NDUFS5: variants seen among roughly 807,000 people sequenced by gnomAD.
NDUFS5 encodes the protein NADH:ubiquinone oxidoreductase subunit S5.
NDUFS5 carries 7 observed loss-of-function variants against 10.5 expected under a neutral mutation model. The observed-to-expected ratio is 0.66, with a 90% CI of 0.38 to 1.25. The LOEUF is 1.25. NDUFS5 is among the 50% of genes most tolerant of loss of function. The pLI, the probability that NDUFS5 is intolerant of heterozygous loss-of-function variation, is 0.02. For synonymous variants in NDUFS5, 38 were observed against 44.0 expected (o/e 0.86, Z 0.54); for missense variants, 148 against 140.7 (o/e 1.05, Z -0.26).
chr1:39,028,466 G>A (rs1248046943), intron 1 of NDUFS5, among the ~76,000 whole-genome samples: 1 of 151,966 alleles, frequency 6.6e-6, no homozygotes, highest in Non-Finnish European at 1.5e-5. Context: ...GACCGAGAAA[G>A]GATTTCTATG....
At chr1:39,028,121 A>G (rs1329806220) in intron 1 of NDUFS5, among the ~76,000 whole-genome samples, 3 of 140,288 alleles carry the variant, frequency 2.1e-5, no homozygotes, top group East Asian at 4.6e-4. Context: ...CGCCTGGCCC[A>G]CAAGTGGCTG....
At chr1:39,026,553 C>T (rs919429411) in intron 1 of NDUFS5, among the ~76,000 whole-genome samples, 151 bp downstream of exon 1, 1 of 152,346 alleles carries the variant, frequency 6.6e-6, no homozygotes, top group East Asian at 1.9e-4. Context: ...CGCTTCACCT[C>T]CACAGCTAAT....
intron 2 of NDUFS5, among the ~76,000 whole-genome samples, chr1:39,031,252 G>A (rs780625087): frequency 7.9e-5 from 12 of 152,002 alleles, no homozygotes; most frequent in East Asian, 3.9e-4. Flanking sequence ...GGGCTCAAGC[G>A]ATCCCACATT....
chr1:39,032,144 C>T (rs997389708), intron 2 of NDUFS5, among the ~76,000 whole-genome samples: 1 of 152,094 alleles, frequency 6.6e-6, no homozygotes, highest in African/African-American at 2.4e-5. Flanking sequence ...GCCTGAGCAA[C>T]AAGAGTGAAA....
intron 1 of NDUFS5, among the ~76,000 whole-genome samples, chr1:39,028,508 T>C (rs1306654921): frequency 6.6e-6 from 1 of 152,110 alleles, no homozygotes; most frequent in African/African-American, 2.4e-5. Flanking sequence ...CTCTTTTCCT[T>C]GAGTTTTGAA....
intron 2 of NDUFS5, among the ~76,000 whole-genome samples, chr1:39,029,208 G>C (rs1214615951): frequency 6.6e-6 from 1 of 152,064 alleles, no homozygotes; most frequent in Non-Finnish European, 1.5e-5. Flanking sequence ...GGCCAGGCTG[G>C]TCTTGAACTC....
At chr1:39,026,712 G>A (rs1029075850) in intron 1 of NDUFS5, among the ~76,000 whole-genome samples, 3 of 152,156 alleles carry the variant, frequency 2.0e-5, no homozygotes, top group Non-Finnish European at 4.4e-5. Flanking sequence ...CGGCCCCGCC[G>A]GCCTCCTGAG....
intron 1 of NDUFS5, among the ~76,000 whole-genome samples, chr1:39,027,595 T>TTTTTTTTTTTTTC (rs1644159376): frequency 6.9e-6 from 1 of 144,952 alleles, no homozygotes; most frequent in African/African-American, 2.5e-5. Context: ...TTTTTTTTTT[T>TTTTTTTTTTTTTC]TGAGACAGGA....
At chr1:39,033,800 T>TTTTATTTA (rs969137557) in intron 2 of NDUFS5, among the ~76,000 whole-genome samples, 1 of 144,136 alleles carries the variant, frequency 6.9e-6, no homozygotes, top group Non-Finnish European at 1.5e-5. Flanking sequence ...ACGGCCCAAC[T>TTTTATTTA]TTTATTTATT....
chr1:39,028,790 T>G lies in NDUFS5; in HGVS notation c.66T>G (p.Ser22Arg), dbSNP rs148228679. Residue 22 changes from serine to arginine, a missense_variant, in exon 2 of 3, where the codon AGT becomes AGG. Physicochemically the swap from Ser to Arg is moderately radical, Grantham distance 110. Coordinates refer to ENST00000372969, the MANE Select transcript of NDUFS5 (RefSeq NM_004552.3). ...LNIDRWLTIQSGEQPYKMAGR... is the reference protein window; with the variant it reads ...LNIDRWLTIQRGEQPYKMAGR... ...TAGATCGATGGTTGACAATCCAGAG[T>G]GGTGAACAGCCCTACAAGATGGCTG... is the stretch of plus-strand genomic sequence containing the variant. The G allele has an allele frequency of 1.2e-6, 2 of 1,613,768 alleles. No individual in the cohort carries two copies. Among genetic ancestry groups the G allele is most frequent in the African/African-American group, 1.3e-5 (1 of 74,818 alleles).
intron 2 of NDUFS5, among the ~76,000 whole-genome samples, chr1:39,032,540 T>C (rs1383410757): frequency 6.6e-6 from 1 of 152,026 alleles, no homozygotes; most frequent in Non-Finnish European, 1.5e-5. Flanking sequence ...AAGTTAGTCA[T>C]TGGTTAAAAA....
intron 2 of NDUFS5, among the ~76,000 whole-genome samples, chr1:39,030,490 A>G (rs949962296): frequency 2.6e-5 from 4 of 151,272 alleles, no homozygotes; most frequent in Admixed American, 1.3e-4. Flanking sequence ...GCGGATCACA[A>G]GGTCAGGAGT....
intron 1 of NDUFS5, 64 bp from the exon 2 acceptor site, chr1:39,028,659 T>C: frequency 7.0e-7 from 1 of 1,437,164 alleles, no homozygotes; most frequent in Non-Finnish European, 9.7e-7. Context: ...TTCTTAGAAA[T>C]TTCTCAGTTG....
At chr1:39,028,533 G>T (rs112133459) in intron 1 of NDUFS5, among the ~76,000 whole-genome samples, 190 bp from the exon 2 acceptor site, 1 of 152,094 alleles carries the variant, frequency 6.6e-6, no homozygotes, top group Non-Finnish European at 1.5e-5. Context: ...CGCAAAAACT[G>T]CTTATCTGCC....
chr1:39,031,318 C>T (rs752249876), intron 2 of NDUFS5, among the ~76,000 whole-genome samples: 4 of 151,710 alleles, frequency 2.6e-5, no homozygotes, highest in South Asian at 4.2e-4. Context: ...TCCTGTTAGT[C>T]GTGTTTTTGA....
intron 2 of NDUFS5, among the ~76,000 whole-genome samples, chr1:39,033,829 C>G (rs1389827375): frequency 2.7e-5 from 4 of 146,288 alleles, no homozygotes; most frequent in African/African-American, 1.0e-4. Flanking sequence ...GAGACAAAGT[C>G]TCACTCTGTC....
chr1:39,030,722 GAAA>G (rs71057183), intron 2 of NDUFS5, among the ~76,000 whole-genome samples: 1 of 141,402 alleles, frequency 7.1e-6, no homozygotes, highest in African/African-American at 2.6e-5. Flanking sequence ...TCTGTCTCAA[GAAA>G]AAAAAAAAAG....
At chr1:39,030,472 C>T (rs1298532442) in intron 2 of NDUFS5, among the ~76,000 whole-genome samples, 5 of 144,260 alleles carry the variant, frequency 3.5e-5, no homozygotes, top group South Asian at 4.3e-4. Context: ...TTTGGGAGGC[C>T]GAGGCAGGCG....
At chr1:39,029,447 C>G (rs1378060692) in intron 2 of NDUFS5, among the ~76,000 whole-genome samples, 1 of 151,806 alleles carries the variant, frequency 6.6e-6, no homozygotes, top group Admixed American at 6.6e-5. Flanking sequence ...GTCCATTGTT[C>G]CTCAGCATTC....
Sources: allele counts gnomAD v4.1 joint callset (sites outside exome capture counted in the v4.1 genomes callset), GRCh38; gene constraint gnomAD v4.1.1; transcripts MANE v1.5; gene names NCBI Gene and HGNC (gene_info 2026-07-23, HGNC 2026-07-21).